The following APPBP2 variants were observed in gnomAD, a reference collection of about 807,000 sequenced individuals.
APPBP2 encodes amyloid protein-binding protein 2.
APPBP2 carries 15 observed loss-of-function variants against 76.0 expected under a neutral mutation model. That is an observed-to-expected ratio of 0.20 (90% CI 0.13 to 0.30). The LOEUF is 0.30. Among genes scored for constraint, APPBP2 ranks in the 10% least tolerant of loss-of-function variants. The pLI, the probability that APPBP2 is intolerant of heterozygous loss-of-function variation, is 1.00. For missense variants in APPBP2, 401 were observed against 687.2 expected (o/e 0.58, Z 4.66); for synonymous variants, 222 against 242.2 (o/e 0.92, Z 0.77).
Position 60,526,159 on chromosome 17 carries a change from G to A in APPBP2, c.-228C>T, listed in dbSNP as rs1273375898. ...TGGGACAGAAAACAGCGGCCAGCCAGGCCAAAAGCGTCACAATCCCGGTTC... is the reference window on the plus strand; with the variant it reads ...TGGGACAGAAAACAGCGGCCAGCCAAGCCAAAAGCGTCACAATCCCGGTTC... On this transcript the variant is annotated 5_prime_UTR_variant, in exon 1 of 13. Transcript: ENST00000083182. 5 of 543,960 alleles carry A rather than the reference G, an allele frequency of 9.2e-6. No individual in the cohort carries two copies. Among genetic ancestry groups the A allele is most frequent in the Non-Finnish European group, 1.7e-5 (5 of 301,938 alleles). 33.7% of individuals were successfully genotyped at this position (543,960 alleles called of 1,614,324 possible). A position where few individuals can be genotyped will look rare whatever the true frequency, so the allele number is the denominator to read the frequency against.
At chr17:60,451,826 G>A in intron 12 of APPBP2, 54 bp downstream of exon 12, 1 of 1,460,780 alleles carries the variant, frequency 6.8e-7, no homozygotes, top group Non-Finnish European at 9.4e-7. Context: ...TATAAGACAT[G>A]CTGACATGTT....
intron 6 of APPBP2, among the ~76,000 whole-genome samples, chr17:60,463,677 A>C (rs947370777): frequency 2.0e-5 from 3 of 152,218 alleles, no homozygotes; most frequent in Non-Finnish European, 4.4e-5. Context: ...GGATTTTGGC[A>C]TAAGGAATTC....
At chr17:60,457,758 A>G (rs573582022) in intron 9 of APPBP2, among the ~76,000 whole-genome samples, 14 of 152,222 alleles carry the variant, frequency 9.2e-5, no homozygotes, top group Non-Finnish European at 1.9e-4. Context: ...GTCAATGACT[A>G]TTTCCATTTC....
chr17:60,466,740 A>G (rs1464377775), intron 4 of APPBP2, among the ~76,000 whole-genome samples: 15 of 152,196 alleles, frequency 9.9e-5, no homozygotes, highest in Middle Eastern at 3.4e-3. Flanking sequence ...TAAAAAAATG[A>G]CATTTAATCT....
At chr17:60,455,056 T>C (rs1337219551) in intron 10 of APPBP2, among the ~76,000 whole-genome samples, 1 of 152,180 alleles carries the variant, frequency 6.6e-6, no homozygotes, top group African/African-American at 2.4e-5. Flanking sequence ...ATTTGATTTA[T>C]TGGAAAACTG....
intron 1 of APPBP2, among the ~76,000 whole-genome samples, chr17:60,504,037 A>C (rs1231937132): frequency 6.6e-6 from 1 of 152,214 alleles, no homozygotes; most frequent in Admixed American, 6.5e-5. Context: ...TTTAAAGGTT[A>C]ATCCCCTCAT....
At position 60,494,519 on chromosome 17, in the gene APPBP2, G is replaced by T; in HGVS notation, c.326C>A (p.Ala109Glu). Residue 109 changes from alanine to glutamate, a missense_variant, in exon 3 of 13, where the codon GCA (alanine) becomes GAA (glutamate). Ala to Glu is a moderately radical substitution (Grantham distance 107). Transcript: ENST00000083182. ...TTCCTTTACTGCAGCATCTGATTCT[G>T]CTATATAAGAGCACCGCCTACTGAA... ...YSFSRRCSYIAESDAAVKEKA... is the reference protein window; with the variant it reads ...YSFSRRCSYIEESDAAVKEKA... 6.2e-7 allele frequency: 1 copy of T among 1,612,240 alleles called. No homozygotes were observed. The highest frequency in any genetic ancestry group is 8.5e-7 in the Non-Finnish European group (1 of 1,179,700).
intron 3 of APPBP2, 44 bp from the exon 4 acceptor site, chr17:60,479,315 G>A (rs2090613154): frequency 6.4e-7 from 1 of 1,562,956 alleles, no homozygotes; most frequent in African/African-American, 1.4e-5. Flanking sequence ...TTGATAAATA[G>A]CCTGCAAGAT....
chr17:60,471,678 T>C (rs560113607), intron 4 of APPBP2, among the ~76,000 whole-genome samples: 1 of 152,282 alleles, frequency 6.6e-6, no homozygotes, highest in Admixed American at 6.5e-5. Context: ...CACTTTGTCA[T>C]AGTGTAAAAT....
rs749611433 is a variant in APPBP2, at chr17:60,526,242, C to T, written c.-311G>A. 15 of 286,188 alleles carry T rather than the reference C, an allele frequency of 5.2e-5. No individual in the cohort carries two copies. Among genetic ancestry groups the T allele is most frequent in the Non-Finnish European group, 8.8e-5 (13 of 148,078 alleles). The allele number at this position is 286,188 out of a possible 1,614,324, so 17.7% of individuals were successfully genotyped here. The stretch of plus-strand genomic sequence containing the variant: ...CTCTGCAGGGGCGGGGCTGCGTGTG[C>T]GGCGTCATGACGTAAGCGCACGCCG... On this transcript the variant is annotated 5_prime_UTR_variant, in exon 1 of 13. Transcript: ENST00000083182.
At chr17:60,455,101 T>C (rs945710389) in intron 10 of APPBP2, among the ~76,000 whole-genome samples, 4 of 152,140 alleles carry the variant, frequency 2.6e-5, no homozygotes, top group African/African-American at 9.7e-5. Context: ...AGAGATTTAC[T>C]TCACTGTAGC....
At chr17:60,475,446 T>G (rs935524497) in intron 4 of APPBP2, among the ~76,000 whole-genome samples, 2 of 152,152 alleles carry the variant, frequency 1.3e-5, no homozygotes, top group Non-Finnish European at 2.9e-5. Flanking sequence ...ATTATTTCCC[T>G]CAGATACGGT....
intron 5 of APPBP2, among the ~76,000 whole-genome samples, chr17:60,465,543 A>G (rs191350484): frequency 1.3e-5 from 2 of 152,342 alleles, no homozygotes; most frequent in Admixed American, 6.5e-5. Context: ...AATAAGGCAC[A>G]GTATAAACCC....
At chr17:60,525,474 G>C (rs969972533) in intron 1 of APPBP2, among the ~76,000 whole-genome samples, 5 of 152,312 alleles carry the variant, frequency 3.3e-5, no homozygotes, top group African/African-American at 1.2e-4. Flanking sequence ...ATACGGGCTA[G>C]AAGGAAAGGA....
At chr17:60,487,191 G>A (rs1038436339) in intron 3 of APPBP2, among the ~76,000 whole-genome samples, 14 of 152,070 alleles carry the variant, frequency 9.2e-5, no homozygotes, top group Non-Finnish European at 1.9e-4. Context: ...CTCTTCTCAA[G>A]GAATTATCTT....
At chr17:60,457,433 G>A (rs1326045056) in intron 9 of APPBP2, among the ~76,000 whole-genome samples, 1 of 150,884 alleles carries the variant, frequency 6.6e-6, no homozygotes, top group African/African-American at 2.5e-5. Flanking sequence ...GTTTTTGTTT[G>A]TTTGTTTTTT....
At chr17:60,472,395 C>G (rs550962150) in intron 4 of APPBP2, among the ~76,000 whole-genome samples, 1 of 152,090 alleles carries the variant, frequency 6.6e-6, no homozygotes, top group East Asian at 1.9e-4. Context: ...GTAAATTGTC[C>G]ATTTCTAAAA....
chr17:60,490,373 CA>C (rs948764978), intron 3 of APPBP2, among the ~76,000 whole-genome samples: 1 of 151,864 alleles, frequency 6.6e-6, no homozygotes, highest in Non-Finnish European at 1.5e-5. Context: ...ACAGTCACTT[CA>C]AAAAAAGTTT....
chr17:60,448,299 C>T (rs1234257850), intron 12 of APPBP2, among the ~76,000 whole-genome samples: 1 of 152,118 alleles, frequency 6.6e-6, no homozygotes, highest in African/African-American at 2.4e-5. Flanking sequence ...CCCGTCTCTA[C>T]TAAAAATACA....
Sources: gnomAD v4.1 joint callset for allele counts (sites outside exome capture counted in the v4.1 genomes callset) on GRCh38, gnomAD v4.1.1 for gene constraint, MANE v1.5 for transcripts, NCBI Gene and HGNC (gene_info 2026-07-23, HGNC 2026-07-21) for gene names.